Variants in ST6GALNAC5 observed in about 807,000 individuals in gnomAD.
ST6GALNAC5 encodes the protein alpha-N-acetylgalactosaminide alpha-2,6-sialyltransferase 5.
ST6GALNAC5 carries 27 observed loss-of-function variants against 33.6 expected under a neutral mutation model. The ratio of observed to expected loss-of-function variants is 0.80; its 90% CI spans 0.59 to 1.11. The LOEUF (loss-of-function observed/expected upper bound fraction) is 1.11, where lower values mean the gene tolerates loss of function less well. ST6GALNAC5 is among the 50% of genes least tolerant of loss of function. The probability of loss-of-function intolerance (pLI) is 0.00; values close to 1 mark genes in which losing one functional copy is unlikely to be tolerated. For missense variants in ST6GALNAC5, 428 were observed against 454.0 expected, an observed-to-expected ratio of 0.94 and a Z score of 0.52; for synonymous variants, 194 against 171.2, an observed-to-expected ratio of 1.13 and a Z score of -1.04.
intron 2 of ST6GALNAC5, among the ~76,000 whole-genome samples, chr1:76,998,120 T>G (rs1282827002): frequency 6.6e-6 from 1 of 152,206 alleles, no homozygotes; most frequent in Non-Finnish European, 1.5e-5. Context: ...ATTAAACCTC[T>G]TTTCTTTATA....
At chr1:76,914,563 C>G (rs1646949454) in intron 2 of ST6GALNAC5, among the ~76,000 whole-genome samples, 1 of 152,138 alleles carries the variant, frequency 6.6e-6, no homozygotes, top group Non-Finnish European at 1.5e-5. Flanking sequence ...TGATCTTTGA[C>G]AAACCTGAGA....
chr1:77,045,268 G>T (rs1245965317), intron 3 of ST6GALNAC5, among the ~76,000 whole-genome samples: 3 of 152,210 alleles, frequency 2.0e-5, no homozygotes, highest in Non-Finnish European at 4.4e-5. Context: ...GGAAGAATGG[G>T]ATAAAATGGA....
chr1:76,919,329 A>C (rs1037910296), intron 2 of ST6GALNAC5, among the ~76,000 whole-genome samples: 2 of 152,132 alleles, frequency 1.3e-5, no homozygotes, highest in Non-Finnish European at 2.9e-5. Flanking sequence ...AGTACCAAGC[A>C]GCTTGTAGGT....
At chr1:77,022,824 C>T (rs925403117) in intron 2 of ST6GALNAC5, among the ~76,000 whole-genome samples, 16 of 152,114 alleles carry the variant, frequency 1.1e-4, no homozygotes, top group African/African-American at 3.9e-4. Flanking sequence ...ATCTCAGACC[C>T]CTCCTGTCTT....
intron 2 of ST6GALNAC5, among the ~76,000 whole-genome samples, chr1:76,936,955 T>C (rs1698828): frequency 9.5e-3 from 262 of 27,526 alleles, no homozygotes; most frequent in South Asian, 0.015. Flanking sequence ...AGAAGCAGGG[T>C]GTGTGTGTGT....
chr1:77,058,786 G>A lies in ST6GALNAC5; in HGVS notation c.780-4189G>A, dbSNP rs556204449. On this transcript the variant is annotated intron_variant, in intron 4 of 4. Coordinates refer to ENST00000477717, the MANE Select transcript of ST6GALNAC5 (RefSeq NM_030965.3). Reference sequence around the variant, plus strand: ...TTCTGAGCTGAAATAGTCAAGTCCAGCAGCTTGGATGGACAATAAGTCAGG... The same window carrying A: ...TTCTGAGCTGAAATAGTCAAGTCCAACAGCTTGGATGGACAATAAGTCAGG... Among the ~76,000 whole-genome samples, 109 of 152,332 alleles carry A rather than the reference G, an allele frequency of 7.2e-4. 2 individuals carry two copies. The South Asian group carries it at 0.022, about 30-fold the overall frequency.
At chr1:77,006,629 A>G (rs1650430707) in intron 2 of ST6GALNAC5, among the ~76,000 whole-genome samples, 2 of 152,122 alleles carry the variant, frequency 1.3e-5, no homozygotes, top group African/African-American at 2.4e-5. Flanking sequence ...GCCAGAATGT[A>G]TAGTTCTTAA....
chr1:77,023,718 A>T (rs382631), intron 2 of ST6GALNAC5, among the ~76,000 whole-genome samples: 98,734 of 152,044 alleles, frequency 0.65, 34,380 homozygotes, highest in African/African-American at 0.91. Flanking sequence ...ATTGTTTTTT[A>T]AAATTATTAT....
At chr1:77,030,408 T>C (rs531448115) in intron 2 of ST6GALNAC5, among the ~76,000 whole-genome samples, 39 of 152,260 alleles carry the variant, frequency 2.6e-4, no homozygotes, top group African/African-American at 7.0e-4. Context: ...CAGGCTTACA[T>C]TGGGGTTAAC....
At chr1:76,976,701 G>A (rs964154876) in intron 2 of ST6GALNAC5, among the ~76,000 whole-genome samples, 2 of 152,100 alleles carry the variant, frequency 1.3e-5, no homozygotes, top group African/African-American at 4.8e-5. Context: ...AATAAATAAA[G>A]TAATGCTGTA....
Position 76,966,562 on chromosome 1 carries a change from C to T in ST6GALNAC5, c.262-77642C>T, listed in dbSNP as rs952484363. On this transcript the variant is annotated intron_variant, in intron 2 of 4. Coordinates refer to ENST00000477717, the MANE Select transcript of ST6GALNAC5 (RefSeq NM_030965.3). Reference sequence around the variant, plus strand: ...TCTGCAAAAAGGGACAATTTGACTTCCTCTTTTCCTAATTGAATACCTTTA... The same window carrying T: ...TCTGCAAAAAGGGACAATTTGACTTTCTCTTTTCCTAATTGAATACCTTTA... Among the ~76,000 whole-genome samples, 191 of 152,302 alleles carry T rather than the reference C, an allele frequency of 1.3e-3. 1 individual carries two copies. Among genetic ancestry groups the T allele is most frequent in the Middle Eastern group, 6.8e-3 (2 of 294 alleles).
At chr1:77,044,895 G>A (rs926422505) in intron 3 of ST6GALNAC5, among the ~76,000 whole-genome samples, 2 of 152,174 alleles carry the variant, frequency 1.3e-5, no homozygotes, top group African/African-American at 4.8e-5. Flanking sequence ...TAAAAGTGCA[G>A]TATAACAGCT....
chr1:77,047,574 T>C (rs1355009728), intron 3 of ST6GALNAC5, among the ~76,000 whole-genome samples: 1 of 152,220 alleles, frequency 6.6e-6, no homozygotes, highest in Non-Finnish European at 1.5e-5. Context: ...CAATCTGCAA[T>C]TAAGAAGCAT....
At chr1:77,005,457 G>A (rs912054941) in intron 2 of ST6GALNAC5, among the ~76,000 whole-genome samples, 1 of 152,230 alleles carries the variant, frequency 6.6e-6, no homozygotes, top group Non-Finnish European at 1.5e-5. Flanking sequence ...CTTCTGCGTC[G>A]CTCACGCTGG....
At chr1:76,993,133 T>C (rs1213107599) in intron 2 of ST6GALNAC5, among the ~76,000 whole-genome samples, 1 of 152,200 alleles carries the variant, frequency 6.6e-6, no homozygotes, top group African/African-American at 2.4e-5. Flanking sequence ...GAGTTCCTAT[T>C]TATGCTTCAA....
At chr1:76,999,082 G>T (rs1650044884) in intron 2 of ST6GALNAC5, among the ~76,000 whole-genome samples, 1 of 152,080 alleles carries the variant, frequency 6.6e-6, no homozygotes, top group Non-Finnish European at 1.5e-5. Flanking sequence ...AAATAAAAAG[G>T]TTAAAATTAC....
At chr1:76,985,552 G>A (rs1023376414) in intron 2 of ST6GALNAC5, among the ~76,000 whole-genome samples, 11 of 152,118 alleles carry the variant, frequency 7.2e-5, no homozygotes, top group African/African-American at 2.7e-4. Flanking sequence ...TCATGGATAG[G>A]AAGAATCAAT....
At chr1:76,929,585 T>G (rs1647118407) in intron 2 of ST6GALNAC5, among the ~76,000 whole-genome samples, 1 of 152,066 alleles carries the variant, frequency 6.6e-6, no homozygotes, top group African/African-American at 2.4e-5. Flanking sequence ...ACTTGGATCA[T>G]AGTGTAGCAG....
rs149522606 is a variant in ST6GALNAC5, at chr1:77,063,673, A to C, written c.*467A>C. On this transcript the variant is annotated 3_prime_UTR_variant, in exon 5 of 5. Transcript: ENST00000477717. ...TAAAAAGCAGGCTGAAACTATGGAC[A>C]TGATTTCTGAAGAGCACATCTCCAC... The C allele has an allele frequency of 7.9e-3, 1,258 of 159,144 alleles. 21 individuals carry two copies. The highest frequency in any genetic ancestry group is 0.029 in the African/African-American group (1,210 of 41,642). The allele number at this position is 159,144 out of a possible 1,614,324, so 9.9% of individuals were successfully genotyped here. A position where few individuals can be genotyped will look rare whatever the true frequency, so the allele number is the denominator to read the frequency against.
Sources: allele counts gnomAD v4.1 joint callset (sites outside exome capture counted in the v4.1 genomes callset), GRCh38; gene constraint gnomAD v4.1.1; transcripts MANE v1.5; gene names NCBI Gene and HGNC (gene_info 2026-07-23, HGNC 2026-07-21).